GRID2: variants seen among roughly 807,000 people sequenced by gnomAD.
The protein encoded by GRID2 is glutamate ionotropic receptor delta type subunit 2, also known as glutamate receptor ionotropic, delta-2.
In GRID2, 33 loss-of-function variants were observed where a neutral mutation model predicts 114.8. The observed-to-expected ratio is 0.29, with a 90% CI of 0.22 to 0.38. The LOEUF (loss-of-function observed/expected upper bound fraction) is 0.38. Ranked by LOEUF, GRID2 falls within the 10% of genes least tolerant of loss-of-function variation. GRID2 has a pLI of 1.00. For synonymous variants in GRID2, 505 were observed against 449.9 expected (o/e 1.12, Z -1.55); for missense variants, 1,184 against 1,257.7 (o/e 0.94, Z 0.89).
intron 14 of GRID2, among the ~76,000 whole-genome samples, chr4:93,727,036 G>A (rs1389199474): frequency 2.0e-5 from 3 of 152,182 alleles, no homozygotes; most frequent in Non-Finnish European, 4.4e-5. Context: ...AATAGGAGTG[G>A]CGAGAGAGGG....
At chr4:92,344,979 C>T (rs1410053802) in intron 1 of GRID2, among the ~76,000 whole-genome samples, 2 of 152,166 alleles carry the variant, frequency 1.3e-5, no homozygotes, top group African/African-American at 2.4e-5. Flanking sequence ...CTTTAGTCCA[C>T]CTGTCACCCA....
intron 2 of GRID2, among the ~76,000 whole-genome samples, chr4:93,011,424 A>G (rs1722129093): frequency 6.6e-6 from 1 of 151,878 alleles, no homozygotes; most frequent in Non-Finnish European, 1.5e-5. Flanking sequence ...TTCTCCCCAG[A>G]GGTGTTGTGT....
chr4:93,370,471 A>G (rs1437746462), intron 8 of GRID2, among the ~76,000 whole-genome samples: 2 of 148,038 alleles, frequency 1.4e-5, no homozygotes, highest in East Asian at 2.0e-4. Context: ...AAACACGCAC[A>G]CAGAGACACA....
At chr4:92,561,529 G>A (rs1727102439) in intron 1 of GRID2, among the ~76,000 whole-genome samples, 1 of 152,110 alleles carries the variant, frequency 6.6e-6, no homozygotes, top group Admixed American at 6.5e-5. Flanking sequence ...GTTTTATGCA[G>A]TTTAGTGTGT....
chr4:93,679,370 G>C (rs1036063763), intron 14 of GRID2, among the ~76,000 whole-genome samples: 1 of 150,684 alleles, frequency 6.6e-6, no homozygotes, highest in South Asian at 2.1e-4. Flanking sequence ...ACAGATCAAC[G>C]AGACAGAAAG....
intron 6 of GRID2, among the ~76,000 whole-genome samples, chr4:93,221,149 A>G (rs1303741036): frequency 6.6e-6 from 1 of 152,166 alleles, no homozygotes; most frequent in Non-Finnish European, 1.5e-5. Flanking sequence ...AATTTTGCTA[A>G]GATAAAGAGA....
chr4:93,167,281 C>T (rs570610937), intron 4 of GRID2, among the ~76,000 whole-genome samples: 10 of 152,168 alleles, frequency 6.6e-5, no homozygotes, highest in African/African-American at 1.9e-4. Context: ...TTGATGGCTC[C>T]AGTTGTTGCA....
chr4:92,508,655 A>C (rs1159081912), intron 1 of GRID2, among the ~76,000 whole-genome samples: 1 of 151,938 alleles, frequency 6.6e-6, no homozygotes, highest in Non-Finnish European at 1.5e-5. Flanking sequence ...TTTGGAGAAG[A>C]GGAAAGAAAA....
chr4:93,444,620 C>T (rs562787210), intron 10 of GRID2, among the ~76,000 whole-genome samples: 9 of 151,890 alleles, frequency 5.9e-5, no homozygotes, highest in South Asian at 2.1e-4. Flanking sequence ...TCCTTCAAAG[C>T]GAAAATATGT....
chr4:92,488,074 T>C (rs548993417), intron 1 of GRID2, among the ~76,000 whole-genome samples: 1 of 152,290 alleles, frequency 6.6e-6, no homozygotes, highest in East Asian at 1.9e-4. Flanking sequence ...AATTCACTGA[T>C]GGAATTTTGA....
intron 2 of GRID2, among the ~76,000 whole-genome samples, chr4:92,762,345 C>G (rs1318423968): frequency 6.6e-6 from 1 of 151,840 alleles, no homozygotes; most frequent in Non-Finnish European, 1.5e-5. Flanking sequence ...TGCATTTCTT[C>G]CAAGTAGACT....
At chr4:92,976,128 A>G (rs1753857035) in intron 2 of GRID2, among the ~76,000 whole-genome samples, 1 of 152,072 alleles carries the variant, frequency 6.6e-6, no homozygotes, top group Non-Finnish European at 1.5e-5. Flanking sequence ...TAGACTGTTG[A>G]TTATTTAGAA....
intron 2 of GRID2, among the ~76,000 whole-genome samples, chr4:92,773,207 G>A (rs1397587779): frequency 7.9e-5 from 12 of 152,150 alleles, no homozygotes; most frequent in Admixed American, 7.9e-4. Context: ...ATATAAAACT[G>A]TGGCTATTTA....
At chr4:93,096,597 G>A (rs959616525) in intron 3 of GRID2, among the ~76,000 whole-genome samples, 1 of 151,922 alleles carries the variant, frequency 6.6e-6, no homozygotes, top group African/African-American at 2.4e-5. Context: ...CAAATAAACT[G>A]TGCAACTTTA....
intron 2 of GRID2, among the ~76,000 whole-genome samples, chr4:93,044,419 G>A (rs1244386542): frequency 3.3e-5 from 5 of 151,448 alleles, no homozygotes; most frequent in East Asian, 1.9e-4. Flanking sequence ...TGTCCATTAC[G>A]TTTGCAAAAG....
intron 5 of GRID2, among the ~76,000 whole-genome samples, chr4:93,210,145 T>C (rs1226870564): frequency 1.3e-5 from 2 of 152,118 alleles, no homozygotes; most frequent in African/African-American, 4.8e-5. Context: ...GCAATTGCTT[T>C]TGTCATCTTT....
intron 2 of GRID2, among the ~76,000 whole-genome samples, chr4:92,615,663 T>C (rs1447610753): frequency 6.6e-6 from 1 of 151,802 alleles, no homozygotes; most frequent in Admixed American, 6.6e-5. Context: ...TGCTTTTTAT[T>C]GCTATACCTC....
intron 2 of GRID2, among the ~76,000 whole-genome samples, chr4:93,006,143 A>T (rs1190672162): frequency 6.6e-6 from 1 of 152,110 alleles, no homozygotes; most frequent in Non-Finnish European, 1.5e-5. Context: ...AACCATGTAG[A>T]TTATAAGCAG....
At chr4:92,612,193 A>T (rs1247631949) in intron 2 of GRID2, among the ~76,000 whole-genome samples, 1 of 151,468 alleles carries the variant, frequency 6.6e-6, no homozygotes, top group Non-Finnish European at 1.5e-5. Flanking sequence ...AATCCAATTT[A>T]ACCTGAACTA....
Sources: gnomAD v4.1 joint callset for allele counts (sites outside exome capture counted in the v4.1 genomes callset) on GRCh38, gnomAD v4.1.1 for gene constraint, MANE v1.5 for transcripts, NCBI Gene and HGNC (gene_info 2026-07-23, HGNC 2026-07-21) for gene names.